The following ISLR2 variants were observed in gnomAD, a reference collection of about 807,000 sequenced individuals.
ISLR2 encodes the protein immunoglobulin superfamily containing leucine-rich repeat protein 2.
In ISLR2, 16 loss-of-function variants were observed where a neutral mutation model predicts 25.5. That is an observed-to-expected ratio of 0.63 (90% CI 0.43 to 0.95). ISLR2 has a LOEUF of 0.95. Among genes scored for constraint, ISLR2 ranks in the 40% least tolerant of loss-of-function variants. The pLI is 0.00. For synonymous variants in ISLR2, 508 were observed against 486.6 expected (o/e 1.04, Z -0.58); for missense variants, 883 against 1,030.7 (o/e 0.86, Z 1.96).
At position 74,134,919 on chromosome 15, in the gene ISLR2, G is replaced by C; in HGVS notation, c.2165G>C (p.Arg722Pro). Residue 722 changes from arginine (R) to proline (P), a missense_variant, in exon 3 of 3, where the codon CGG becomes CCG. Physicochemically the swap from Arg to Pro is moderately radical, Grantham distance 103. This residue lies in a region of ISLR2 where 612 missense variants were observed against 642.8 expected (regional missense o/e 0.95). Transcript: ENST00000453268. Reference protein sequence around the residue: ...EFEAGSEYSDRLPLGAEAVNI... With the variant: ...EFEAGSEYSDPLPLGAEAVNI... ...GAGGCGGGCTCTGAGTACAGCGATC[G>C]GCTGCCCCTGGGCGCCGAGGCGGTC... 6.2e-7 allele frequency: 1 copy of C among 1,613,974 alleles called. No homozygotes were observed. The highest frequency in any genetic ancestry group is 2.2e-5 in the East Asian group (1 of 44,852).
chr15:74,116,689 G>T lies in ISLR2; in HGVS notation n.228+12775G>T, dbSNP rs1211913860. On this transcript the variant is annotated intron_variant and non_coding_transcript_variant, in intron 2 of 3. Coordinates refer to the ISLR2 transcript ENST00000561975. ...TGAGGCAAAAGTAATAACATTATGG[G>T]GTTTATAACATGTGGAAGTAAAATG... Among the ~76,000 whole-genome samples, 141 of 152,150 alleles carry T rather than the reference G, an allele frequency of 9.3e-4. 3 individuals carry two copies. The highest frequency in any genetic ancestry group is 9.2e-3 in the Admixed American group (141 of 15,268).
At chr15:74,129,100 G>C (rs367828682), upstream of ISLR2, 314 of 451,726 alleles carry the variant, frequency 7.0e-4, no homozygotes, top group African/African-American at 4.2e-3. The surrounding 1 kb of genome is among the most constrained non-coding windows in gnomAD (Gnocchi z 4.5). Context: ...ATGGGTCGGC[G>C]GGGGGGGACT....
rs1282780216 is a variant in ISLR2, at chr15:74,134,879, A to T, written c.2125A>T (p.Asn709Tyr). The stretch of plus-strand genomic sequence containing the variant: ...ACTGGTGGAGTCCCAGTCCAAGGCC[A>T]ACCAAGAGGAGTTCGAGGCGGGCTC... ...CSLVESQSKA[N>Y]QEEFEAGSEY... The change falls in exon 3 of 3, where the codon AAC becomes TAC. Residue 709 changes from asparagine (N) to tyrosine (Y), a missense_variant. This residue lies in a region of ISLR2 where 612 missense variants were observed against 642.8 expected (regional missense o/e 0.95). Transcript: ENST00000453268. The T allele has an allele frequency of 7.4e-6, 12 of 1,614,138 alleles. No homozygotes were observed. Among genetic ancestry groups the T allele is most frequent in the Non-Finnish European group, 1.0e-5 (12 of 1,180,018 alleles).
At chr15:74,128,684 C>T (rs183039083), upstream of ISLR2, 1,532 of 455,892 alleles carry the variant, frequency 3.4e-3, 5 homozygotes, top group African/African-American at 0.014. Flanking sequence ...GGCCTTGAGC[C>T]TCCCCGCCTG....
chr15:74,126,895 T>TG (rs2072303953), upstream of ISLR2: 1 of 104,094 alleles, frequency 9.6e-6, no homozygotes, highest in Admixed American at 1.0e-4. Flanking sequence ...GGAGAGAACA[T>TG]TTGTGTGTGT....
In ISLR2 at chr15:74,116,400, C is replaced by CA. The variant is rs1459513461; in HGVS notation, n.228+12499dup. 7.3e-3 allele frequency among the ~76,000 whole-genome samples: 616 copies of CA among 84,178 alleles called. 2 individuals are homozygous for CA. The highest frequency in any genetic ancestry group is 0.014 in the South Asian group (43 of 2,970). 55.2% of individuals were successfully genotyped at this position (84,178 alleles called of 152,430 possible). ...GCAACATAATGAGGCCTCATCTCTA[C>CA]AAAAAAAAAAAAAGGAATAAAAATT... On this transcript the variant is annotated intron_variant and non_coding_transcript_variant, in intron 2 of 3. Coordinates refer to the ISLR2 transcript ENST00000561975.
Position 74,134,059 on chromosome 15 carries a change from G to A in ISLR2, c.1305G>A (p.Pro435=). The change falls in exon 3 of 3, where the codon CCG becomes CCA. Residue 435 remains proline, a synonymous_variant. Transcript: ENST00000453268. Reference sequence around the variant, plus strand: ...TTCTCGGGGAGACCGAGACGGAGCCGGAGGAGGACACAAGTGAGGGAGAGG... The same window carrying A: ...TTCTCGGGGAGACCGAGACGGAGCCAGAGGAGGACACAAGTGAGGGAGAGG... ...VSILGETETE[P]EEDTSEGEEA... 1.9e-6 allele frequency: 3 copies of A among 1,613,560 alleles called. No individual in the cohort carries two copies. The highest frequency in any genetic ancestry group is 2.5e-6 in the Non-Finnish European group (3 of 1,179,794).
downstream of ISLR2, among the ~76,000 whole-genome samples, chr15:74,141,416 G>A (rs2072610203): frequency 6.6e-6 from 1 of 152,136 alleles, no homozygotes; most frequent in South Asian, 2.1e-4. Flanking sequence ...AAATTACCGA[G>A]GAACTTCGTA....
In ISLR2 at chr15:74,135,079, C is replaced by T. The variant is rs1169532143; in HGVS notation, c.*87C>T. The T allele has an allele frequency of 3.4e-6, 5 of 1,471,508 alleles. No individual in the cohort carries two copies. The East Asian group carries it at 1.1e-4, about 34-fold the overall frequency. 91.2% of individuals were successfully genotyped at this position (1,471,508 alleles called of 1,614,324 possible). ...CTAGGGCTGGCAGGACTTATGTCCCCCGTCCCCAACCTTCACCTACTCCTC... is the reference window on the plus strand; with the variant it reads ...CTAGGGCTGGCAGGACTTATGTCCCTCGTCCCCAACCTTCACCTACTCCTC... On this transcript the variant is annotated 3_prime_UTR_variant, in exon 3 of 3. Coordinates refer to ENST00000453268, the MANE Select transcript of ISLR2 (RefSeq NM_020851.3).
chr15:74,126,722 A>T (rs931249646), upstream of ISLR2: 2 of 152,184 alleles, frequency 1.3e-5, no homozygotes, highest in African/African-American at 4.8e-5. Context: ...CACAGTCAGT[A>T]CATAATGGAG....
At chr15:74,140,307 G>A (rs771095324), downstream of ISLR2, among the ~76,000 whole-genome samples, 14 of 152,276 alleles carry the variant, frequency 9.2e-5, no homozygotes, top group East Asian at 7.7e-4. Context: ...CCAAAGATTC[G>A]TTGTCAGTAC....
rs1475164180 is a variant in ISLR2, at chr15:74,102,297, A to G, written n.160-1549A>G. ...GAAGAGAAAAATGGATAGTTTTGGG[A>G]CCATTTTTTATTTAAAAAGAAAATT... On this transcript the variant is annotated intron_variant and non_coding_transcript_variant, in intron 1 of 3. Coordinates refer to the ISLR2 transcript ENST00000561975. 1.0e-3 allele frequency among the ~76,000 whole-genome samples: 121 copies of G among 119,168 alleles called. 3 individuals carry two copies. Among genetic ancestry groups the G allele is most frequent in the Admixed American group, 9.9e-3 (107 of 10,816 alleles). 78.2% of individuals were successfully genotyped at this position (119,168 alleles called of 152,430 possible). A position where few individuals can be genotyped will look rare whatever the true frequency, so the allele number is the denominator to read the frequency against.
In ISLR2 at chr15:74,115,111, C is replaced by G. The variant is rs553347640; in HGVS notation, n.228+11197C>G. Among the ~76,000 whole-genome samples, 3 of 152,286 alleles carry G rather than the reference C, an allele frequency of 2.0e-5. No homozygotes were observed. The East Asian group carries it at 5.8e-4, about 29-fold the overall frequency. ...ACAGAAGAATCCCCGGAGCTCACAACAGGCTAGAGAGAATTCATATTCTCA... is the reference window on the plus strand; with the variant it reads ...ACAGAAGAATCCCCGGAGCTCACAAGAGGCTAGAGAGAATTCATATTCTCA... On this transcript the variant is annotated intron_variant and non_coding_transcript_variant, in intron 2 of 3. Transcript: ENST00000561975.
rs1274550248 is a variant in ISLR2, at chr15:74,133,379, A to G, written c.625A>G (p.Ile209Val). The G allele has an allele frequency of 1.2e-6, 2 of 1,607,722 alleles. No homozygotes were observed. Among genetic ancestry groups the G allele is most frequent in the Non-Finnish European group, 1.7e-6 (2 of 1,179,808 alleles). ...GGTGTCCTTACCCGAGCCCGACTCCATTGCTTGTGCCTCGCCTCCCGCGCT... is the reference window on the plus strand; with the variant it reads ...GGTGTCCTTACCCGAGCCCGACTCCGTTGCTTGTGCCTCGCCTCCCGCGCT... The part of the protein sequence containing the change: ...TRVSLPEPDS[I>V]ACASPPALQG... The change falls in exon 3 of 3, where the codon ATT becomes GTT. Residue 209 changes from isoleucine (I) to valine (V), a missense_variant. Ile to Val is a conservative substitution (Grantham distance 29). Around this residue, in one of 2 missense-constraint regions of ISLR2, gnomAD observed 271 missense variants for 387.9 expected, o/e 0.70. Transcript: ENST00000453268.
intron 1 of ISLR2, among the ~76,000 whole-genome samples, chr15:74,103,261 C>T (rs1396475471): frequency 6.7e-6 from 1 of 149,468 alleles, no homozygotes; most frequent in East Asian, 2.0e-4. Flanking sequence ...ATATCTTATA[C>T]GTATTCCTTC....
chr15:74,130,909 C>G (rs1257894632), intron 1 of ISLR2, among the ~76,000 whole-genome samples: 1 of 151,930 alleles, frequency 6.6e-6, no homozygotes, highest in East Asian at 1.9e-4. Flanking sequence ...TATGGGGGTG[C>G]AGTAGGCTGC....
intron 2 of ISLR2, among the ~76,000 whole-genome samples, chr15:74,121,330 G>A (rs1331269869): frequency 6.6e-6 from 1 of 152,176 alleles, no homozygotes; most frequent in Non-Finnish European, 1.5e-5. Context: ...AGATGGGGCT[G>A]CAGGATTCAC....
In ISLR2 at chr15:74,133,689, C is replaced by T. The variant is rs866080805; in HGVS notation, c.935C>T (p.Thr312Ile). 1 of 1,607,654 alleles carries T rather than the reference C, an allele frequency of 6.2e-7. No homozygotes were observed. The highest frequency in any genetic ancestry group is 1.1e-5 in the South Asian group (1 of 90,324). ...GGAGATGGGGATTTGCTGACGCAGA[C>T]CCAAGCCCAAACGCCGACTCCAGCA... ...GEGDGDLLTQ[T>I]QAQTPTPAPA... The change falls in exon 3 of 3, where the codon ACC becomes ATC. Residue 312 changes from threonine (T) to isoleucine (I), a missense_variant. By Grantham distance (89) the Thr-to-Ile change is moderately conservative. This residue lies in a region of ISLR2 where 612 missense variants were observed against 642.8 expected (regional missense o/e 0.95). Transcript: ENST00000453268.
At chr15:74,120,119 C>A (rs1465994211) in intron 2 of ISLR2, among the ~76,000 whole-genome samples, 1 of 152,328 alleles carries the variant, frequency 6.6e-6, no homozygotes, top group East Asian at 1.9e-4. Flanking sequence ...TGCCCCAACC[C>A]CATCCTCTCT....
Sources: gnomAD v4.1 joint callset for allele counts (sites outside exome capture counted in the v4.1 genomes callset) on GRCh38, gnomAD v4.1.1 for gene constraint, gnomAD v4.1.1 regional missense constraint, Gnocchi (gnomAD v3.1) non-coding constraint, MANE v1.5 for transcripts, NCBI Gene and HGNC (gene_info 2026-07-23, HGNC 2026-07-21) for gene names.